Variants in SLC25A21 observed in about 807,000 individuals in gnomAD.
SLC25A21 encodes mitochondrial 2-oxodicarboxylate carrier.
A neutral mutation model predicts 43.8 loss-of-function variants in SLC25A21; 47 were observed. The observed-to-expected ratio is 1.07, with a 90% confidence interval of 0.85 to 1.37. SLC25A21 has a LOEUF of 1.37. Ranked by LOEUF, SLC25A21 falls within the 40% of genes most tolerant of loss-of-function variation. The pLI, the probability that SLC25A21 is intolerant of heterozygous loss-of-function variation, is 0.00. For missense variants in SLC25A21, 352 were observed against 350.2 expected (o/e 1.00, Z -0.04); for synonymous variants, 131 against 121.3 (o/e 1.08, Z -0.52).
intron 1 of SLC25A21, among the ~76,000 whole-genome samples, chr14:37,119,557 AAAAAAG>A (rs983263595): frequency 4.3e-5 from 2 of 46,324 alleles, no homozygotes; most frequent in African/African-American, 7.4e-5. Context: ...ACACCATAAA[AAAAAAG>A]AAAAAAGAAA....
At chr14:36,974,746 G>T (rs1959830510) in intron 1 of SLC25A21, among the ~76,000 whole-genome samples, 1 of 151,684 alleles carries the variant, frequency 6.6e-6, no homozygotes, top group African/African-American at 2.4e-5. Context: ...TAAAACACAA[G>T]AAAACAAAAA....
At position 36,679,431 on chromosome 14, in the gene SLC25A21, C is replaced by T. The variant is rs17104978; in HGVS notation, c.*1227G>A. The T allele has an allele frequency of 6.2e-3, 6,094 of 985,082 alleles. 275 individuals are homozygous for T. In the African/African-American group the frequency reaches 0.094, roughly 15 times the overall value. The allele number at this position is 985,082 out of a possible 1,614,324, so 61.0% of individuals were successfully genotyped here. On this transcript the variant is annotated 3_prime_UTR_variant, in exon 10 of 10. Coordinates refer to ENST00000331299, the MANE Select transcript of SLC25A21 (RefSeq NM_030631.4). ...ATAGCCCCGTAGTAGAAATAGCCCA[C>T]GGTAGTAACTTAGGACAGGTGTCAT...
intron 1 of SLC25A21, among the ~76,000 whole-genome samples, chr14:37,113,962 A>G (rs1337162659): frequency 6.6e-6 from 1 of 152,096 alleles, no homozygotes; most frequent in Non-Finnish European, 1.5e-5. Flanking sequence ...TTTTGAGTCT[A>G]CCATTAAAAA....
intron 1 of SLC25A21, among the ~76,000 whole-genome samples, chr14:36,893,329 T>G (rs1164289538): frequency 6.6e-6 from 1 of 152,252 alleles, no homozygotes; most frequent in Non-Finnish European, 1.5e-5. Context: ...ATGTGTCTGT[T>G]GGCTGCATAA....
At chr14:36,701,876 G>T (rs932116218) in intron 7 of SLC25A21, among the ~76,000 whole-genome samples, 4 of 152,086 alleles carry the variant, frequency 2.6e-5, no homozygotes, top group Admixed American at 6.6e-5. Context: ...AGCAAGCCAG[G>T]TTCCCAAAAC....
intron 2 of SLC25A21, chr14:36,870,375 A>G (rs888918658): frequency 6.6e-6 from 1 of 152,250 alleles, no homozygotes; most frequent in African/African-American, 2.4e-5. Flanking sequence ...AAGGCTCTGA[A>G]GGAGAATCTG....
intron 1 of SLC25A21, among the ~76,000 whole-genome samples, chr14:37,072,294 T>C (rs970196460): frequency 1.3e-5 from 2 of 151,944 alleles, no homozygotes; most frequent in African/African-American, 4.8e-5. Flanking sequence ...GGACTCTGCA[T>C]CCAGGGGCCA....
intron 1 of SLC25A21, among the ~76,000 whole-genome samples, chr14:37,135,127 G>A (rs549030461): frequency 2.6e-5 from 4 of 151,996 alleles, no homozygotes; most frequent in Admixed American, 1.3e-4. Context: ...GGGGTTTTAC[G>A]TTGTTGACCA....
At chr14:37,087,799 T>C (rs1962513609) in intron 1 of SLC25A21, among the ~76,000 whole-genome samples, 1 of 152,204 alleles carries the variant, frequency 6.6e-6, no homozygotes, top group Non-Finnish European at 1.5e-5. Flanking sequence ...TTTGTGAAAG[T>C]GCATCCTTTC....
chr14:37,138,229 G>C (rs1963515641), intron 1 of SLC25A21, among the ~76,000 whole-genome samples: 1 of 152,102 alleles, frequency 6.6e-6, no homozygotes, highest in South Asian at 2.1e-4. Context: ...CTGAGGCAAG[G>C]AGAAAGACAA....
At chr14:36,922,721 T>C (rs1439007780) in intron 1 of SLC25A21, among the ~76,000 whole-genome samples, 3 of 152,066 alleles carry the variant, frequency 2.0e-5, no homozygotes, top group Admixed American at 2.0e-4. Flanking sequence ...GAACATTCAG[T>C]ATAGACTCCA....
chr14:37,001,254 T>C (rs1291636642), intron 1 of SLC25A21, among the ~76,000 whole-genome samples: 1 of 152,214 alleles, frequency 6.6e-6, no homozygotes, highest in Non-Finnish European at 1.5e-5. Flanking sequence ...AAGAATATGC[T>C]AAATGAGTGA....
chr14:37,040,476 T>C (rs1406197297), intron 1 of SLC25A21, among the ~76,000 whole-genome samples: 6 of 151,478 alleles, frequency 4.0e-5, no homozygotes, highest in Admixed American at 3.9e-4. Context: ...GTCAAAGAGC[T>C]ACCAGCAGTT....
rs1332791780 is a variant in SLC25A21 at position 36,678,356 on chromosome 14, G to A, written c.*2302C>T. 7.2e-5 allele frequency: 60 copies of A among 832,094 alleles called. 1 individual carries two copies. The highest frequency in any genetic ancestry group is 6.9e-4 in the East Asian group (26 of 37,532). The allele number at this position is 832,094 out of a possible 1,614,324, so 51.5% of individuals were successfully genotyped here. On this transcript the variant is annotated 3_prime_UTR_variant, in exon 10 of 10. Transcript: ENST00000331299. ...AACTGCATTTATTTCTAAAGCAACC[G>A]AAATTCAGTGCTACAAATAGAGGAT...
intron 1 of SLC25A21, among the ~76,000 whole-genome samples, chr14:37,015,373 A>T (rs375338215): frequency 6.6e-6 from 1 of 151,724 alleles, no homozygotes; most frequent in Non-Finnish European, 1.5e-5. Context: ...ACATGAACTC[A>T]TCATTTTTTA....
intron 1 of SLC25A21, among the ~76,000 whole-genome samples, chr14:37,059,830 G>A (rs1291921201): frequency 6.6e-6 from 1 of 152,110 alleles, no homozygotes; most frequent in Non-Finnish European, 1.5e-5. Context: ...CGCACTAGAG[G>A]GGTATCAACC....
chr14:36,846,280 C>T (rs537690989), intron 2 of SLC25A21, among the ~76,000 whole-genome samples: 1 of 152,054 alleles, frequency 6.6e-6, no homozygotes, highest in Non-Finnish European at 1.5e-5. Context: ...GAGATATGAC[C>T]AGAACAACGT....
At chr14:36,839,196 T>C (rs1889303656) in intron 2 of SLC25A21, among the ~76,000 whole-genome samples, 1 of 152,222 alleles carries the variant, frequency 6.6e-6, no homozygotes, top group African/African-American at 2.4e-5. Flanking sequence ...ATTCAAATAA[T>C]AGTGACAAAT....
At chr14:37,018,712 C>A (rs10137553) in intron 1 of SLC25A21, among the ~76,000 whole-genome samples, 57,333 of 151,732 alleles carry the variant, frequency 0.38, 11,709 homozygotes, top group African/African-American at 0.54. Context: ...GTTTTTAAAA[C>A]ACAATTTGGA....
Sources: allele counts gnomAD v4.1 joint callset (sites outside exome capture counted in the v4.1 genomes callset), GRCh38; gene constraint gnomAD v4.1.1; transcripts MANE v1.5; gene names NCBI Gene and HGNC (gene_info 2026-07-23, HGNC 2026-07-21).